The following ASH1L variants were observed in gnomAD, a reference collection of about 807,000 sequenced individuals.
The protein encoded by ASH1L is ASH1 like histone lysine methyltransferase.
Under a neutral mutation model 269.0 loss-of-function variants are expected in ASH1L, and 23 were observed. The observed-to-expected ratio is 0.09, with a 90% CI of 0.06 to 0.12. ASH1L has a LOEUF of 0.12. Ranked by LOEUF, ASH1L falls within the 10% of genes least tolerant of loss-of-function variation. ASH1L has a pLI of 1.00. For synonymous variants in ASH1L, 1,187 were observed against 1,253.5 expected (o/e 0.95, Z 1.12); for missense variants, 2,912 against 3,567.8 (o/e 0.82, Z 4.68).
intron 6 of ASH1L, among the ~76,000 whole-genome samples, chr1:155,402,152 A>G (rs1273988582): frequency 6.6e-6 from 1 of 152,036 alleles, no homozygotes; most frequent in East Asian, 1.9e-4. Context: ...TCTCAAACAA[A>G]CAAACAAACA....
intron 1 of ASH1L, among the ~76,000 whole-genome samples, chr1:155,559,014 T>C (rs952560972): frequency 6.6e-6 from 1 of 151,828 alleles, no homozygotes; most frequent in Non-Finnish European, 1.5e-5. Context: ...TGGCTAATTT[T>C]TGTACTTTTA....
At chr1:155,551,621 C>G (rs1446163075) in intron 1 of ASH1L, among the ~76,000 whole-genome samples, 1 of 132,818 alleles carries the variant, frequency 7.5e-6, no homozygotes, top group Non-Finnish European at 1.6e-5. Flanking sequence ...GATCCCGCCA[C>G]TGCACTCCAG....
chr1:155,551,398 C>T (rs1247365727), intron 1 of ASH1L, among the ~76,000 whole-genome samples: 3 of 152,102 alleles, frequency 2.0e-5, no homozygotes, highest in African/African-American at 2.4e-5. Context: ...CAGTGGCTCA[C>T]GCCTGTAATC....
chr1:155,562,164 C>T lies in ASH1L; in HGVS notation c.-111G>A, dbSNP rs1672028517. ...ATCGTTCTACTCACCGTGTCGGAGG[C>T]CGAGGCCGAGGCCGAGAGCGATGAG... is the stretch of plus-strand genomic sequence containing the variant. On this transcript the variant is annotated 5_prime_UTR_variant, in exon 1 of 28. Transcript: ENST00000392403. 2.5e-6 allele frequency: 4 copies of T among 1,582,596 alleles called. No homozygotes were observed. The South Asian group carries it at 4.5e-5, about 18-fold the overall frequency.
chr1:155,339,235 A>T, intron 26 of ASH1L, 93 bp downstream of exon 26: 1 of 1,147,838 alleles, frequency 8.7e-7, no homozygotes, highest in East Asian at 2.3e-5. Context: ...CCAGTCCTAG[A>T]AGTGGAGCTG....
intron 2 of ASH1L, among the ~76,000 whole-genome samples, chr1:155,497,423 T>C (rs927920228): frequency 1.3e-5 from 2 of 152,200 alleles, no homozygotes; most frequent in African/African-American, 4.8e-5. Flanking sequence ...ACCCCTACTC[T>C]TCCTCCTTGG....
At chr1:155,389,381 T>C (rs1558055659) in intron 7 of ASH1L, among the ~76,000 whole-genome samples, 1 of 151,896 alleles carries the variant, frequency 6.6e-6, no homozygotes. Flanking sequence ...ATTTAAGACT[T>C]TAAAAAAGAG....
chr1:155,482,468 A>G lies in ASH1L; in HGVS notation c.421-19T>C. ...AAGGGTCCTAAAATTTGAACAAGAA[A>G]AAAGTTAAAGAGGGAGTAAACCTTA... On this transcript the variant is annotated intron_variant, in intron 2 of 27. Coordinates refer to ENST00000392403, the MANE Select transcript of ASH1L (RefSeq NM_018489.3). 6.3e-7 allele frequency: 1 copy of G among 1,586,442 alleles called. No individual in the cohort carries two copies. The highest frequency in any genetic ancestry group is 8.6e-7 in the Non-Finnish European group (1 of 1,167,220).
chr1:155,551,371 G>C (rs115576108), intron 1 of ASH1L, among the ~76,000 whole-genome samples: 2,284 of 152,210 alleles, frequency 0.015, 42 homozygotes, highest in African/African-American at 0.052. Flanking sequence ...TCTATCTTAA[G>C]AATCTACGGC....
Position 155,361,640 on chromosome 1 carries a change from G to A in ASH1L, c.6687-1231C>T, listed in dbSNP as rs568750607. Among the ~76,000 whole-genome samples, 353 of 151,276 alleles carry A rather than the reference G, an allele frequency of 2.3e-3. 1 individual carries two copies. Among genetic ancestry groups the A allele is most frequent in the African/African-American group, 8.1e-3 (334 of 41,206 alleles). Reference sequence around the variant, plus strand: ...CTTGAACCCGGGAGGCGGAGGTTGCGGTGAGCCAAGATCCTGCCACTGCAC... The same window carrying A: ...CTTGAACCCGGGAGGCGGAGGTTGCAGTGAGCCAAGATCCTGCCACTGCAC... On this transcript the variant is annotated intron_variant, in intron 12 of 27. Transcript: ENST00000392403.
At chr1:155,554,615 C>T (rs1446529632) in intron 1 of ASH1L, among the ~76,000 whole-genome samples, 1 of 151,976 alleles carries the variant, frequency 6.6e-6, no homozygotes, top group African/African-American at 2.4e-5. Flanking sequence ...TTATGTTGCC[C>T]CCAGGCTGGT....
At chr1:155,397,158 A>G (rs1183455861) in intron 6 of ASH1L, among the ~76,000 whole-genome samples, 1 of 151,612 alleles carries the variant, frequency 6.6e-6, no homozygotes, top group Non-Finnish European at 1.5e-5. Context: ...AAGCATGGTA[A>G]CAAAAGGCAA....
At position 155,505,999 on chromosome 1, in the gene ASH1L, C is replaced by T. The variant is rs1034864638; in HGVS notation, c.420+15101G>A. ...GCTATCCCTCCCCCCTGCCCCCACC[C>T]CACGACAGGCCCCGATGTGTGATGT... On this transcript the variant is annotated intron_variant, in intron 2 of 27. Transcript: ENST00000392403. Among the ~76,000 whole-genome samples the T allele has an allele frequency of 6.6e-5, 10 of 152,196 alleles. No individual in the cohort carries two copies. In the South Asian group the frequency reaches 1.7e-3, roughly 25 times the overall value.
intron 5 of ASH1L, 83 bp from the exon 6 acceptor site, chr1:155,416,006 ATAGCAATT>A: frequency 7.0e-6 from 8 of 1,147,486 alleles, no homozygotes; most frequent in Non-Finnish European, 9.5e-6. Context: ...AAAAAAAACC[ATAGCAATT>A]AAAAAAAGAG....
chr1:155,498,000 C>T (rs1415411651), intron 2 of ASH1L, among the ~76,000 whole-genome samples: 1 of 152,116 alleles, frequency 6.6e-6, no homozygotes, highest in African/African-American at 2.4e-5. Flanking sequence ...GATCCACCCG[C>T]CTCGGCCTCC....
chr1:155,486,092 T>C (rs1456399359), intron 2 of ASH1L, among the ~76,000 whole-genome samples: 3 of 152,230 alleles, frequency 2.0e-5, no homozygotes, highest in Non-Finnish European at 2.9e-5. Context: ...CTGTCAGACA[T>C]TTGAACTCAA....
At chr1:155,449,387 C>A (rs1263517711) in intron 4 of ASH1L, among the ~76,000 whole-genome samples, 1 of 152,124 alleles carries the variant, frequency 6.6e-6, no homozygotes, top group African/African-American at 2.4e-5. Context: ...TAATTTAATT[C>A]TGTTGTGGTC....
At chr1:155,375,253 T>A (rs1345612823) in intron 10 of ASH1L, among the ~76,000 whole-genome samples, 1 of 152,204 alleles carries the variant, frequency 6.6e-6, no homozygotes, top group Non-Finnish European at 1.5e-5. Flanking sequence ...GGAACAATCA[T>A]TCAGAGGTTA....
chr1:155,547,975 C>T (rs568796661), intron 1 of ASH1L, among the ~76,000 whole-genome samples: 1 of 152,024 alleles, frequency 6.6e-6, no homozygotes, highest in South Asian at 2.1e-4. Flanking sequence ...GACTCCGTCT[C>T]AAAAAAGAAA....
Sources: allele counts gnomAD v4.1 joint callset (sites outside exome capture counted in the v4.1 genomes callset), GRCh38; gene constraint gnomAD v4.1.1; transcripts MANE v1.5; gene names NCBI Gene and HGNC (gene_info 2026-07-23, HGNC 2026-07-21).